The following TTC7B variants were observed in gnomAD, a reference collection of about 807,000 sequenced individuals.
The protein encoded by TTC7B is tetratricopeptide repeat protein 7B.
In TTC7B, 28 loss-of-function variants were observed where a neutral mutation model predicts 106.8. That is an observed-to-expected ratio of 0.26 (90% CI 0.19 to 0.36). The LOEUF is 0.36. Ranked by LOEUF, TTC7B falls within the 10% of genes least tolerant of loss-of-function variation. The pLI, the probability that TTC7B is intolerant of heterozygous loss-of-function variation, is 1.00. For missense variants in TTC7B, 862 were observed against 1,076.4 expected (o/e 0.80, Z 2.79); for synonymous variants, 405 against 430.6 (o/e 0.94, Z 0.74).
intron 19 of TTC7B, among the ~76,000 whole-genome samples, chr14:90,554,534 T>C (rs1890219426): frequency 6.6e-6 from 1 of 152,216 alleles, no homozygotes; most frequent in African/African-American, 2.4e-5. Flanking sequence ...GGCACCAATG[T>C]CCTGGTGCTG....
chr14:90,712,112 AC>A (rs1460798202), intron 5 of TTC7B, among the ~76,000 whole-genome samples: 1 of 152,230 alleles, frequency 6.6e-6, no homozygotes, highest in African/African-American at 2.4e-5. Context: ...CTATATTAAT[AC>A]CTGGTAAGAC....
At position 90,757,190 on chromosome 14, in the gene TTC7B, G is replaced by GA. The variant is rs894365960; in HGVS notation, c.446-12269dup. 6.6e-6 allele frequency among the ~76,000 whole-genome samples: 1 copy of GA among 152,034 alleles called. No individual in the cohort carries two copies. The highest frequency in any genetic ancestry group is 1.5e-5 in the Non-Finnish European group (1 of 67,990). ...TACATAGGCAAAAGAAAGCACCCCGGAAAGCTCCCCTGAACCACCCCGTTC... is the reference window on the plus strand; with the variant it reads ...TACATAGGCAAAAGAAAGCACCCCGGAAAAGCTCCCCTGAACCACCCCGTTC... On this transcript the variant is annotated intron_variant, in intron 3 of 19. Transcript: ENST00000328459. The surrounding 1 kb of genome is among the most constrained non-coding windows in gnomAD (Gnocchi z 4.1).
chr14:90,540,614 A>T lies in TTC7B; in HGVS notation c.*754T>A, dbSNP rs142382385. ...CCATTTAAAAATCATTTTATTATTA[A>T]CATCATCTTCCCATGTAGCCAAGTG... is the stretch of plus-strand genomic sequence containing the variant. On this transcript the variant is annotated 3_prime_UTR_variant, in exon 20 of 20. Coordinates refer to ENST00000328459, the MANE Select transcript of TTC7B (RefSeq NM_001010854.2). 6.5e-6 allele frequency: 1 copy of T among 153,888 alleles called. No homozygotes were observed. Among genetic ancestry groups the T allele is most frequent in the East Asian group, 1.9e-4 (1 of 5,184 alleles). The allele number at this position is 153,888 out of a possible 1,614,324, so 9.5% of individuals were successfully genotyped here. A position where few individuals can be genotyped will look rare whatever the true frequency, so the allele number is the denominator to read the frequency against.
Position 90,816,430 on chromosome 14 carries a change from T to A in TTC7B, c.-135A>T. ...TCCGCGGCGTAACGGGAGCGCCGGC[T>A]GGGGAAGGGGCGGGGAGGCGGGCGG... On this transcript the variant is annotated 5_prime_UTR_variant, in exon 1 of 20. Transcript: ENST00000328459. 1 of 331,634 alleles carries A rather than the reference T, an allele frequency of 3.0e-6. No individual in the cohort carries two copies. Among genetic ancestry groups the A allele is most frequent in the Non-Finnish European group, 4.2e-6 (1 of 240,156 alleles). The allele number at this position is 331,634 out of a possible 1,614,324, so 20.5% of individuals were successfully genotyped here.
At chr14:90,576,789 C>T (rs570930640) in intron 19 of TTC7B, among the ~76,000 whole-genome samples, 14 of 152,340 alleles carry the variant, frequency 9.2e-5, no homozygotes, top group Non-Finnish European at 1.9e-4. Flanking sequence ...TAGTGCCCAG[C>T]CCCTTTCTAC....
intron 15 of TTC7B, among the ~76,000 whole-genome samples, chr14:90,637,022 T>G (rs560207675): frequency 1.4e-5 from 2 of 140,548 alleles, no homozygotes; most frequent in South Asian, 4.5e-4. Flanking sequence ...AAACAGAAGA[T>G]AGAAAATAAT....
intron 1 of TTC7B, among the ~76,000 whole-genome samples, chr14:90,786,585 C>CT (rs879578268): frequency 0.01 from 1,482 of 147,892 alleles, 15 homozygotes; most frequent in Admixed American, 0.014. Context: ...CCAGTAGATA[C>CT]TTTTTTTTTT....
chr14:90,786,409 C>T (rs1311522511), intron 1 of TTC7B, 81 bp from the exon 2 acceptor site: 1 of 1,556,596 alleles, frequency 6.4e-7, no homozygotes, highest in Non-Finnish European at 8.7e-7. Flanking sequence ...ACCCCAGAAC[C>T]ACCACCCTCC....
chr14:90,659,297 T>G (rs1346668216), intron 9 of TTC7B, among the ~76,000 whole-genome samples: 1 of 149,792 alleles, frequency 6.7e-6, no homozygotes, highest in Admixed American at 6.6e-5. Context: ...GGGGAGGTGT[T>G]TTTTTTTAGG....
chr14:90,584,111 G>T (rs1891620175), intron 18 of TTC7B, among the ~76,000 whole-genome samples: 1 of 152,156 alleles, frequency 6.6e-6, no homozygotes, highest in South Asian at 2.1e-4. Context: ...GCAGGGCTGG[G>T]TCAAGCCTGT....
intron 5 of TTC7B, among the ~76,000 whole-genome samples, chr14:90,696,033 A>T (rs1887732594): frequency 6.6e-6 from 1 of 152,118 alleles, no homozygotes; most frequent in Non-Finnish European, 1.5e-5. Context: ...GAACTCCACC[A>T]AGCAACCACT....
intron 2 of TTC7B, among the ~76,000 whole-genome samples, chr14:90,784,268 T>C (rs540261196): frequency 3.9e-5 from 6 of 152,096 alleles, no homozygotes; most frequent in African/African-American, 1.4e-4. Flanking sequence ...TAAGAACATA[T>C]GAGATGAGGC....
intron 5 of TTC7B, among the ~76,000 whole-genome samples, chr14:90,710,193 A>G (rs1209931000): frequency 6.6e-6 from 1 of 152,140 alleles, no homozygotes; most frequent in African/African-American, 2.4e-5. Flanking sequence ...GCTCTCATGA[A>G]TGACTTTGAG....
Position 90,808,382 on chromosome 14 carries a change from G to C in TTC7B, c.121+7793C>G, listed in dbSNP as rs1384090802. 6.6e-6 allele frequency among the ~76,000 whole-genome samples: 1 copy of C among 152,232 alleles called. No homozygotes were observed. The highest frequency in any genetic ancestry group is 2.4e-5 in the African/African-American group (1 of 41,456). On this transcript the variant is annotated intron_variant, in intron 1 of 19. Coordinates refer to ENST00000328459, the MANE Select transcript of TTC7B (RefSeq NM_001010854.2). The surrounding 1 kb of genome is among the most constrained non-coding windows in gnomAD (Gnocchi z 4.2). The stretch of plus-strand genomic sequence containing the variant: ...CACTATTTTAACACTCATCAAGTCA[G>C]GACAGCTACAGTTTCAGATGATCAT...
chr14:90,775,086 G>A (rs1890984307), intron 3 of TTC7B, among the ~76,000 whole-genome samples: 1 of 151,214 alleles, frequency 6.6e-6, no homozygotes, highest in South Asian at 2.1e-4. Context: ...AGGGATCCCA[G>A]GTCCCACTTC....
At chr14:90,701,671 T>C (rs2139955253) in intron 5 of TTC7B, among the ~76,000 whole-genome samples, 1 of 146,010 alleles carries the variant, frequency 6.8e-6, no homozygotes, top group Admixed American at 6.9e-5. Flanking sequence ...AGAATATCAG[T>C]ACTCATTCCA....
At chr14:90,552,260 A>G (rs2139773391) in intron 19 of TTC7B, among the ~76,000 whole-genome samples, 1 of 152,334 alleles carries the variant, frequency 6.6e-6, no homozygotes, top group Non-Finnish European at 1.5e-5. Flanking sequence ...GCCAGTCAAG[A>G]GCAAGTTGAA....
At chr14:90,725,163 C>T (rs1479481341) in intron 5 of TTC7B, among the ~76,000 whole-genome samples, 2 of 152,184 alleles carry the variant, frequency 1.3e-5, no homozygotes, top group African/African-American at 2.4e-5. Context: ...CAGTTTTAAA[C>T]GTGAACACTT....
rs1377779560 is a variant in TTC7B at position 90,578,959 on chromosome 14, G to A, written c.2108-651C>T. 1.3e-5 allele frequency among the ~76,000 whole-genome samples: 2 copies of A among 152,176 alleles called. No individual in the cohort carries two copies. The highest frequency in any genetic ancestry group is 1.9e-4 in the East Asian group (1 of 5,192). ...AAGCTATCGCTTTTAAAACAAGCAG[G>A]AAAATGACCCTGCTACCGATCCAGG... On this transcript the variant is annotated intron_variant, in intron 18 of 19. Coordinates refer to ENST00000328459, the MANE Select transcript of TTC7B (RefSeq NM_001010854.2). The surrounding 1 kb of genome is among the most constrained non-coding windows in gnomAD (Gnocchi z 4.7).
Sources: gnomAD v4.1 joint callset for allele counts (sites outside exome capture counted in the v4.1 genomes callset) on GRCh38, gnomAD v4.1.1 for gene constraint, Gnocchi (gnomAD v3.1) non-coding constraint, MANE v1.5 for transcripts, NCBI Gene and HGNC (gene_info 2026-07-23, HGNC 2026-07-21) for gene names.